RUBCN: variants seen among roughly 807,000 people sequenced by gnomAD.
RUBCN encodes the protein rubicon autophagy regulator, also known as run domain Beclin-1-interacting and cysteine-rich domain-containing protein.
In RUBCN, 74 loss-of-function variants were observed where a neutral mutation model predicts 113.2. The ratio of observed to expected loss-of-function variants is 0.65; its 90% CI spans 0.54 to 0.79. The LOEUF is 0.79. RUBCN is among the 30% of genes least tolerant of loss of function. The pLI is 0.00. For missense variants in RUBCN, 1,109 were observed against 1,251.7 expected (o/e 0.89, Z 1.72); for synonymous variants, 480 against 490.0 (o/e 0.98, Z 0.27).
rs1720130455 is a variant in RUBCN, at chr3:197,674,640, CAA to C, written c.*376_*377del. The stretch of plus-strand genomic sequence containing the variant: ...TGGCTCAGAAGCTCCAGAACTGAAA[CAA>C]AGGAAAATTGGAAATGATACCTGAC... On this transcript the variant is annotated 3_prime_UTR_variant, in exon 20 of 20. Coordinates refer to ENST00000296343, the MANE Select transcript of RUBCN (RefSeq NM_014687.4). 1 of 427,302 alleles carries C rather than the reference CAA, an allele frequency of 2.3e-6. No homozygotes were observed. Among genetic ancestry groups the C allele is most frequent in the South Asian group, 1.9e-5 (1 of 52,038 alleles). 26.5% of individuals were successfully genotyped at this position (427,302 alleles called of 1,614,324 possible). A position where few individuals can be genotyped will look rare whatever the true frequency, so the allele number is the denominator to read the frequency against.
intron 2 of RUBCN, among the ~76,000 whole-genome samples, chr3:197,716,665 T>A (rs904977461): frequency 1.3e-5 from 2 of 152,170 alleles, no homozygotes; most frequent in Non-Finnish European, 2.9e-5. Flanking sequence ...ATGACAAAAG[T>A]GACTTTGCAG....
At position 197,714,716 on chromosome 3, in the gene RUBCN, G is replaced by A. The variant is rs1725327626; in HGVS notation, c.219+3261C>T. Among the ~76,000 whole-genome samples the A allele has an allele frequency of 3.9e-5, 6 of 152,284 alleles. No homozygotes were observed. In the South Asian group the frequency reaches 8.3e-4, roughly 21 times the overall value. On this transcript the variant is annotated intron_variant, in intron 2 of 19. Transcript: ENST00000296343. ...AGAATAAATTCTGATAAAAAAGCAA[G>A]ATGAGCTTAGAGTTCCAGGTAGTTA...
At chr3:197,691,227 G>A in intron 11 of RUBCN, 1 of 806,354 alleles carries the variant, frequency 1.2e-6, no homozygotes, top group Non-Finnish European at 1.8e-6. Context: ...ATATGTTCCT[G>A]GAATCAAAAC....
At position 197,674,772 on chromosome 3, in the gene RUBCN, T is replaced by A. The variant is rs1377920201; in HGVS notation, c.*246A>T. On this transcript the variant is annotated 3_prime_UTR_variant, in exon 20 of 20. Transcript: ENST00000296343. Reference sequence around the variant, plus strand: ...TAGAAGCTTCACTGAAGGACCCGCATGTCAGTTCTGATGGAAACACCTGGT... The same window carrying A: ...TAGAAGCTTCACTGAAGGACCCGCAAGTCAGTTCTGATGGAAACACCTGGT... 1.9e-6 allele frequency: 1 copy of A among 526,452 alleles called. No homozygotes were observed. Among genetic ancestry groups the A allele is most frequent in the Non-Finnish European group, 3.3e-6 (1 of 299,884 alleles). 32.6% of individuals were successfully genotyped at this position (526,452 alleles called of 1,614,324 possible).
At chr3:197,727,220 G>A (rs529891426) in intron 1 of RUBCN, among the ~76,000 whole-genome samples, 24 of 152,302 alleles carry the variant, frequency 1.6e-4, no homozygotes, top group Middle Eastern at 3.4e-3. Flanking sequence ...GATTACAGGC[G>A]TGAGCCACCT....
At chr3:197,742,425 G>A (rs748710381) in intron 1 of RUBCN, among the ~76,000 whole-genome samples, 15 of 151,832 alleles carry the variant, frequency 9.9e-5, no homozygotes, top group African/African-American at 7.3e-5. Context: ...CCTGGGAAGC[G>A]GAGGTTTCAG....
chr3:197,730,065 G>T (rs1240975816), intron 1 of RUBCN, among the ~76,000 whole-genome samples: 3 of 152,214 alleles, frequency 2.0e-5, no homozygotes, highest in African/African-American at 7.2e-5. Context: ...ACTAAATTCA[G>T]GTTGGAAGAT....
Position 197,736,676 on chromosome 3 carries a change from T to C in RUBCN, c.44A>G (p.Glu15Gly), listed in dbSNP as rs1270909423. ...CCACCTGCTCTCCTCAGGCAGGCGC[T>C]CCTCGCCGCCTCCGAGCTCCATTCC... ...GAGMELGGGE[E>G]RLPEESRREH... is the part of the protein sequence containing the mutation. The change falls in exon 1 of 20, where the codon GAG (glutamate) becomes GGG (glycine). Residue 15 changes from glutamate (E) to glycine (G), a missense_variant. Transcript: ENST00000296343. 1.3e-6 allele frequency: 2 copies of C among 1,531,660 alleles called. No individual in the cohort carries two copies. Among genetic ancestry groups the C allele is most frequent in the Non-Finnish European group, 1.7e-6 (2 of 1,145,992 alleles). The allele number at this position is 1,531,660 out of a possible 1,614,324, so 94.9% of individuals were successfully genotyped here. A position where few individuals can be genotyped will look rare whatever the true frequency, so the allele number is the denominator to read the frequency against.
chr3:197,719,287 G>A (rs982023878), intron 1 of RUBCN, among the ~76,000 whole-genome samples: 7 of 151,976 alleles, frequency 4.6e-5, no homozygotes, highest in African/African-American at 1.5e-4. Flanking sequence ...AACCAGCCTG[G>A]CCAACATGGT....
At chr3:197,685,805 G>A (rs73894303) in intron 11 of RUBCN, among the ~76,000 whole-genome samples, 7,463 of 152,226 alleles carry the variant, frequency 0.049, 591 homozygotes, top group African/African-American at 0.17. Context: ...TCTTATTTCT[G>A]GCTAGTTAGT....
rs1230767508 is a variant in RUBCN at position 197,701,800 on chromosome 3, C to A, written c.635G>T (p.Ser212Ile). 6.2e-7 allele frequency: 1 copy of A among 1,614,162 alleles called. No homozygotes were observed. Residue 212 changes from serine to isoleucine, a missense_variant, in exon 6 of 20, where the codon AGT (serine) becomes ATT (isoleucine). Physicochemically the swap from Ser to Ile is moderately radical, Grantham distance 142. Around this residue, in one of 3 missense-constraint regions of RUBCN, gnomAD observed 736 missense variants for 779.6 expected, o/e 0.94. Coordinates refer to ENST00000296343, the MANE Select transcript of RUBCN (RefSeq NM_014687.4). Reference protein sequence around the residue: ...TKSQSLTALPSSTYTPPNSYA... With the variant: ...TKSQSLTALPISTYTPPNSYA... ...GCTGTTTGGAGGGGTGTATGTGGAA[C>A]TGGGCAGGGCTGTCAGGCTCTGGCT... is the stretch of plus-strand genomic sequence containing the variant.
intron 4 of RUBCN, 61 bp downstream of exon 4, chr3:197,704,481 G>A: frequency 6.7e-7 from 1 of 1,487,508 alleles, no homozygotes; most frequent in Non-Finnish European, 9.4e-7. Flanking sequence ...AGGGGTAGAG[G>A]ATAGTGAGGT....
chr3:197,708,603 A>G (rs1724597992), intron 2 of RUBCN, among the ~76,000 whole-genome samples: 2 of 151,950 alleles, frequency 1.3e-5, no homozygotes, highest in South Asian at 2.1e-4. Flanking sequence ...TTGCTGAAAG[A>G]ATGGCTTTCC....
chr3:197,697,918 T>C (rs1223108847), intron 7 of RUBCN, among the ~76,000 whole-genome samples: 1 of 152,208 alleles, frequency 6.6e-6, no homozygotes, highest in East Asian at 1.9e-4. Flanking sequence ...AGAGACAATT[T>C]TGTGTTCTTC....
chr3:197,693,094 CTA>C (rs1168921589), intron 11 of RUBCN, among the ~76,000 whole-genome samples: 3 of 152,022 alleles, frequency 2.0e-5, no homozygotes, highest in East Asian at 3.9e-4. Flanking sequence ...TTGAAGAGAT[CTA>C]TGATTTGCAG....
Position 197,704,605 on chromosome 3 carries a change from A to G in RUBCN, c.400T>C (p.Cys134Arg). The change falls in exon 4 of 20, where the codon TGC becomes CGC. Residue 134 changes from cysteine (C) to arginine (R), a missense_variant. Cys to Arg is a radical substitution (Grantham distance 180). This residue lies in a region of RUBCN where 736 missense variants were observed against 779.6 expected (regional missense o/e 0.94). Transcript: ENST00000296343. ...LWLQHSLQYH[C>R]LSAQLRPLLG... ...AGGGGCCGGAGCTGGGCTGAGAGGC[A>G]GTGGTACTGCAGGCTGTGCTGCAGC... The G allele has an allele frequency of 6.2e-7, 1 of 1,614,186 alleles. No individual in the cohort carries two copies. Among genetic ancestry groups the G allele is most frequent in the East Asian group, 2.2e-5 (1 of 44,886 alleles).
chr3:197,686,773 AT>A (rs537367955), intron 11 of RUBCN, among the ~76,000 whole-genome samples: 3 of 152,148 alleles, frequency 2.0e-5, no homozygotes, highest in Non-Finnish European at 4.4e-5. Context: ...CTTTTTATTG[AT>A]TTTTTTGTAC....
At chr3:197,682,727 T>A in intron 13 of RUBCN, 112 bp from the exon 14 acceptor site, 1 of 1,412,226 alleles carries the variant, frequency 7.1e-7, no homozygotes, top group South Asian at 1.2e-5. Flanking sequence ...TTGGGGTAAG[T>A]TCACACGGAC....
chr3:197,695,811 C>G, intron 9 of RUBCN, 55 bp downstream of exon 9: 1 of 1,508,618 alleles, frequency 6.6e-7, no homozygotes, highest in Non-Finnish European at 9.2e-7. Flanking sequence ...CACCACAGAC[C>G]TTCAGACCCA....
Sources: gnomAD v4.1 joint callset for allele counts (sites outside exome capture counted in the v4.1 genomes callset) on GRCh38, gnomAD v4.1.1 for gene constraint, gnomAD v4.1.1 regional missense constraint, MANE v1.5 for transcripts, NCBI Gene and HGNC (gene_info 2026-07-23, HGNC 2026-07-21) for gene names.